GLI2: variants seen among roughly 807,000 people sequenced by gnomAD.
GLI2 encodes transcription activator GLI2.
In GLI2, 22 loss-of-function variants were observed where a neutral mutation model predicts 78.9. That is an observed-to-expected ratio of 0.28 (90% CI 0.20 to 0.40). The LOEUF is 0.40. GLI2 is among the 10% of genes least tolerant of loss of function. The probability of loss-of-function intolerance (pLI) is 1.00; values close to 1 mark genes in which losing one functional copy is unlikely to be tolerated. For missense variants in GLI2, 2,097 were observed against 2,213.2 expected, an observed-to-expected ratio of 0.95 and a Z score of 1.05; for synonymous variants, 974 against 963.7, an observed-to-expected ratio of 1.01 and a Z score of -0.20.
intron 2 of GLI2, among the ~76,000 whole-genome samples, chr2:120,899,430 T>C (rs6712552): frequency 1.1e-4 from 13 of 113,784 alleles, no homozygotes; most frequent in South Asian, 5.0e-4. Flanking sequence ...CACACACACA[T>C]ACACACATGC....
intron 1 of GLI2, among the ~76,000 whole-genome samples, chr2:120,742,661 C>G (rs1017234230): frequency 5.9e-5 from 7 of 118,334 alleles, no homozygotes; most frequent in Admixed American, 2.9e-4. Flanking sequence ...CACCATAATT[C>G]AGTTGTTAGG....
At chr2:120,877,238 C>G (rs1335484656) in intron 2 of GLI2, among the ~76,000 whole-genome samples, 2 of 152,188 alleles carry the variant, frequency 1.3e-5, no homozygotes, top group African/African-American at 4.8e-5. Flanking sequence ...TCCCTGAGAT[C>G]AGACTGTGGA....
intron 11 of GLI2, 117 bp from the exon 12 acceptor site, chr2:120,984,354 C>T (rs1682864762): frequency 5.7e-6 from 6 of 1,051,452 alleles, no homozygotes; most frequent in Non-Finnish European, 9.0e-6. Flanking sequence ...CACCTACTGA[C>T]GTTGCCAGCT....
chr2:120,979,075 T>C (rs1197183290), intron 10 of GLI2, among the ~76,000 whole-genome samples: 3 of 152,220 alleles, frequency 2.0e-5, no homozygotes, highest in Non-Finnish European at 4.4e-5. Context: ...CCTCCTGGGC[T>C]CAGGCAATCC....
At chr2:120,764,014 C>T (rs945889670) in intron 1 of GLI2, among the ~76,000 whole-genome samples, 6 of 152,334 alleles carry the variant, frequency 3.9e-5, no homozygotes, top group South Asian at 2.1e-4. Context: ...ACTTTCCTAC[C>T]GGGTCCCAAG....
At chr2:120,924,042 G>T (rs982433748) in intron 2 of GLI2, among the ~76,000 whole-genome samples, 5 of 152,234 alleles carry the variant, frequency 3.3e-5, no homozygotes, top group African/African-American at 1.2e-4. Context: ...ATAGCTGGGG[G>T]TAGGGTGGGG....
chr2:120,749,149 T>C (rs1199190218), intron 1 of GLI2, among the ~76,000 whole-genome samples: 1 of 152,242 alleles, frequency 6.6e-6, no homozygotes, highest in East Asian at 1.9e-4. Flanking sequence ...ATAACACTCA[T>C]TAATACTGCC....
rs1189132810 is a variant in GLI2 at position 120,737,915 on chromosome 2, G to C, written c.-31+1630G>C. ...GGAGGAATAGGCGGGTTTGTCACAG[G>C]CCTCCCTGATGAGACCAGTTTGTTC... is the stretch of plus-strand genomic sequence containing the variant. On this transcript the variant is annotated intron_variant, in intron 1 of 13. Transcript: ENST00000361492. This position sits in a 1 kb window ranked among gnomAD's most constrained non-coding sequence, Gnocchi z 4.3. 6.6e-6 allele frequency among the ~76,000 whole-genome samples: 1 copy of C among 152,338 alleles called. No individual in the cohort carries two copies. Among genetic ancestry groups the C allele is most frequent in the African/African-American group, 2.4e-5 (1 of 41,574 alleles).
rs1332782775 is a variant in GLI2, at chr2:120,927,487, G to A, written c.254+21G>A. The A allele has an allele frequency of 1.6e-5, 24 of 1,524,220 alleles. No individual in the cohort carries two copies. The Admixed American group carries it at 3.5e-4, about 22-fold the overall frequency. 94.4% of individuals were successfully genotyped at this position (1,524,220 alleles called of 1,614,324 possible). ...CACGGGTAAGTCCTGCCCTCTGCCT[G>A]CTGCTCCTGGCGTGCAGTCACCTGC... On this transcript the variant is annotated intron_variant, in intron 3 of 13. Transcript: ENST00000361492.
At chr2:120,926,502 G>A (rs979647695) in intron 2 of GLI2, among the ~76,000 whole-genome samples, 1 of 152,206 alleles carries the variant, frequency 6.6e-6, no homozygotes, top group African/African-American at 2.4e-5. Flanking sequence ...CCTTCAGACT[G>A]AGGGAGAGTT....
At chr2:120,958,785 C>T (rs1681399863) in intron 5 of GLI2, among the ~76,000 whole-genome samples, 1 of 152,158 alleles carries the variant, frequency 6.6e-6, no homozygotes, top group Admixed American at 6.5e-5. Flanking sequence ...CACAAGAATC[C>T]AGCCCCAGGC....
At chr2:120,819,888 G>C (rs967083092) in intron 2 of GLI2, among the ~76,000 whole-genome samples, 2 of 152,156 alleles carry the variant, frequency 1.3e-5, no homozygotes, top group African/African-American at 2.4e-5. Flanking sequence ...GGGAAGAGAG[G>C]CAGGGAAGAC....
At chr2:120,854,336 C>A (rs1573483954) in intron 2 of GLI2, among the ~76,000 whole-genome samples, 1 of 152,172 alleles carries the variant, frequency 6.6e-6, no homozygotes, top group Non-Finnish European at 1.5e-5. Context: ...TCTGGTCACA[C>A]TTGGGTCCCA....
At chr2:120,770,451 C>T (rs1315735376) in intron 1 of GLI2, among the ~76,000 whole-genome samples, 1 of 152,212 alleles carries the variant, frequency 6.6e-6, no homozygotes, top group Non-Finnish European at 1.5e-5. Context: ...GTGTGTGTCT[C>T]ATCTTGGTGC....
intron 11 of GLI2, 142 bp from the exon 12 acceptor site, chr2:120,984,329 G>A (rs936029481): frequency 2.4e-5 from 21 of 880,698 alleles, no homozygotes; most frequent in Non-Finnish European, 3.3e-5. Context: ...AGCACTGGCT[G>A]CAAATTTGAC....
At position 120,955,389 on chromosome 2, in the gene GLI2, C is replaced by G; in HGVS notation, c.602C>G (p.Ala201Gly). 6.2e-7 allele frequency: 1 copy of G among 1,611,264 alleles called. No individual in the cohort carries two copies. Among genetic ancestry groups the G allele is most frequent in the Non-Finnish European group, 8.5e-7 (1 of 1,178,122 alleles). Residue 201 changes from alanine to glycine, a missense_variant, in exon 5 of 14, where the codon GCC becomes GGC. By Grantham distance (60) the Ala-to-Gly change is moderately conservative. This residue lies in a region of GLI2 where 578 missense variants were observed against 612.0 expected (regional missense o/e 0.94). Transcript: ENST00000361492. ...GDLLMQSGGA[A>G]SAPHLHDYLN... The stretch of plus-strand genomic sequence containing the variant: ...CTGCTGATGCAGAGCGGGGGCGCTG[C>G]CAGCGCACCCCATCTCCACGACTAC...
chr2:120,793,381 C>T (rs1347028352), intron 1 of GLI2, among the ~76,000 whole-genome samples: 3 of 152,170 alleles, frequency 2.0e-5, no homozygotes, highest in Non-Finnish European at 2.9e-5. Flanking sequence ...CTGTGGAGCC[C>T]GTGGGAGCCA....
chr2:120,767,678 C>T (rs1453450950), intron 1 of GLI2, among the ~76,000 whole-genome samples: 1 of 152,226 alleles, frequency 6.6e-6, no homozygotes, highest in Non-Finnish European at 1.5e-5. Flanking sequence ...CTCTGCCCAG[C>T]CCCCACTGCC....
At chr2:120,764,481 C>T (rs1010434023) in intron 1 of GLI2, among the ~76,000 whole-genome samples, 3 of 152,200 alleles carry the variant, frequency 2.0e-5, no homozygotes, top group Non-Finnish European at 2.9e-5. Flanking sequence ...TTGCATGTCA[C>T]CCTCACTTGT....
Sources: gnomAD v4.1 joint callset for allele counts (sites outside exome capture counted in the v4.1 genomes callset) on GRCh38, gnomAD v4.1.1 for gene constraint, gnomAD v4.1.1 regional missense constraint, Gnocchi (gnomAD v3.1) non-coding constraint, MANE v1.5 for transcripts, NCBI Gene and HGNC (gene_info 2026-07-23, HGNC 2026-07-21) for gene names.